SYNPO2: variants seen among roughly 807,000 people sequenced by gnomAD.
The protein encoded by SYNPO2 is synaptopodin-2.
Under a neutral mutation model 85.0 loss-of-function variants are expected in SYNPO2, and 56 were observed. The ratio of observed to expected loss-of-function variants is 0.66; its 90% confidence interval spans 0.53 to 0.82. The LOEUF (loss-of-function observed/expected upper bound fraction) is 0.82. SYNPO2 is among the 40% of genes least tolerant of loss of function. The pLI, the probability that SYNPO2 is intolerant of heterozygous loss-of-function variation, is 0.00. For missense variants in SYNPO2, 1,575 were observed against 1,534.2 expected, an observed-to-expected ratio of 1.03 and a Z score of -0.44; for synonymous variants, 602 against 591.1, an observed-to-expected ratio of 1.02 and a Z score of -0.27.
At chr4:118,863,145 T>C (rs1731640872) in intron 1 of SYNPO2, among the ~76,000 whole-genome samples, 1 of 152,152 alleles carries the variant, frequency 6.6e-6, no homozygotes, top group Admixed American at 6.6e-5. Context: ...ATTTGTCTGG[T>C]TTTGATATCA....
At chr4:119,037,186 C>G in intron 4 of SYNPO2, 2 of 1,543,780 alleles carry the variant, frequency 1.3e-6, no homozygotes, top group South Asian at 2.4e-5. Flanking sequence ...CTTCCTCTAC[C>G]TGATAATGAT....
chr4:118,851,910 G>T (rs1731426019), intron 1 of SYNPO2, among the ~76,000 whole-genome samples: 1 of 151,840 alleles, frequency 6.6e-6, no homozygotes, highest in Admixed American at 6.6e-5. Context: ...TCAGAAAACT[G>T]TGGATATTCT....
intron 1 of SYNPO2, among the ~76,000 whole-genome samples, chr4:118,982,050 G>A (rs1293568890): frequency 1.3e-5 from 2 of 152,108 alleles, no homozygotes; most frequent in African/African-American, 4.8e-5. Context: ...GGTGTCACAG[G>A]CACATCACTG....
At chr4:118,991,349 T>C (rs1736410494) in intron 1 of SYNPO2, among the ~76,000 whole-genome samples, 1 of 151,796 alleles carries the variant, frequency 6.6e-6, no homozygotes, top group African/African-American at 2.4e-5. Flanking sequence ...GGTTTCGCCA[T>C]GTTGGACAGG....
At chr4:118,877,359 C>T (rs558751248) in intron 1 of SYNPO2, among the ~76,000 whole-genome samples, 2 of 151,922 alleles carry the variant, frequency 1.3e-5, no homozygotes, top group Non-Finnish European at 2.9e-5. Context: ...AATTGACAAA[C>T]GGGACCCAAA....
At chr4:118,881,636 T>A (rs1420872657) in intron 1 of SYNPO2, among the ~76,000 whole-genome samples, 1 of 152,242 alleles carries the variant, frequency 6.6e-6, no homozygotes, top group Non-Finnish European at 1.5e-5. Context: ...TGCGAGCCTC[T>A]GTGGCAGAAC....
intron 1 of SYNPO2, among the ~76,000 whole-genome samples, chr4:119,002,335 A>C (rs1489209689): frequency 6.6e-6 from 1 of 152,024 alleles, no homozygotes; most frequent in African/African-American, 2.4e-5. Context: ...ATCTCAGCTC[A>C]CTGCAACCTC....
intron 1 of SYNPO2, among the ~76,000 whole-genome samples, chr4:118,942,385 A>T (rs975647473): frequency 6.6e-6 from 1 of 152,170 alleles, no homozygotes; most frequent in Admixed American, 6.5e-5. Flanking sequence ...GGCACTTGGT[A>T]TATGCTCAGT....
intron 1 of SYNPO2, among the ~76,000 whole-genome samples, chr4:118,996,927 A>G (rs948085545): frequency 4.6e-5 from 7 of 151,000 alleles, no homozygotes; most frequent in African/African-American, 1.7e-4. Flanking sequence ...AAAAGAAGTC[A>G]ATTAATTTTG....
At chr4:118,911,050 A>T (rs767751400) in intron 1 of SYNPO2, among the ~76,000 whole-genome samples, 1 of 152,200 alleles carries the variant, frequency 6.6e-6, no homozygotes, top group African/African-American at 2.4e-5. Flanking sequence ...GACAGGAAAT[A>T]TACTTTATAT....
At chr4:118,869,639 GA>G (rs571914089) in intron 1 of SYNPO2, among the ~76,000 whole-genome samples, 104 of 151,764 alleles carry the variant, frequency 6.9e-4, no homozygotes, top group African/African-American at 2.3e-3. Flanking sequence ...TGAAGGGCAG[GA>G]AAAAAAACTC....
chr4:119,019,284 A>C (rs1737630409), intron 1 of SYNPO2, among the ~76,000 whole-genome samples: 1 of 152,196 alleles, frequency 6.6e-6, no homozygotes, highest in African/African-American at 2.4e-5. Flanking sequence ...AACTACTGAC[A>C]TTACCAATAT....
intron 1 of SYNPO2, among the ~76,000 whole-genome samples, chr4:118,855,722 A>G (rs1731493921): frequency 6.6e-6 from 1 of 152,178 alleles, no homozygotes; most frequent in South Asian, 2.1e-4. Flanking sequence ...TATGACTAAG[A>G]AACTGATTGA....
chr4:119,020,686 C>A (rs1227511673), intron 1 of SYNPO2, among the ~76,000 whole-genome samples: 1 of 152,050 alleles, frequency 6.6e-6, no homozygotes, highest in Non-Finnish European at 1.5e-5. Flanking sequence ...TATCTGACTC[C>A]ATTGAATGAA....
chr4:119,034,678 T>C, intron 4 of SYNPO2: 7 of 985,514 alleles, frequency 7.1e-6, no homozygotes, highest in Non-Finnish European at 8.4e-6. Context: ...CTGACCTCAC[T>C]CTGAGGGAGA....
intron 1 of SYNPO2, among the ~76,000 whole-genome samples, chr4:118,853,076 CAA>C (rs1362300772): frequency 6.6e-6 from 1 of 152,106 alleles, no homozygotes; most frequent in Non-Finnish European, 1.5e-5. Flanking sequence ...GCAAGAAACA[CAA>C]GAGTTTTTTT....
chr4:118,991,282 C>T (rs200716056), intron 1 of SYNPO2, among the ~76,000 whole-genome samples: 2 of 151,862 alleles, frequency 1.3e-5, no homozygotes, highest in South Asian at 2.1e-4. Context: ...TGAGTAGCTG[C>T]GATTACAGGC....
intron 1 of SYNPO2, among the ~76,000 whole-genome samples, chr4:118,898,489 C>T (rs183358354): frequency 2.6e-5 from 4 of 152,256 alleles, no homozygotes; most frequent in Admixed American, 1.3e-4. Context: ...TCACTGTCAT[C>T]GAGATAACCA....
At chr4:118,921,596 G>A (rs1346541488) in intron 1 of SYNPO2, among the ~76,000 whole-genome samples, 1 of 151,964 alleles carries the variant, frequency 6.6e-6, no homozygotes, top group African/African-American at 2.4e-5. Flanking sequence ...ATAAAATAAT[G>A]ATAATAATTA....
Sources: gnomAD v4.1 joint callset for allele counts (sites outside exome capture counted in the v4.1 genomes callset) on GRCh38, gnomAD v4.1.1 for gene constraint, MANE v1.5 for transcripts, NCBI Gene and HGNC (gene_info 2026-07-23, HGNC 2026-07-21) for gene names.